The following VDAC1 variants were observed in gnomAD, a reference collection of about 807,000 sequenced individuals.
VDAC1 encodes the protein voltage dependent anion channel 1.
VDAC1 carries 10 observed loss-of-function variants against 34.7 expected under a neutral mutation model. The observed-to-expected ratio is 0.29, with a 90% CI of 0.18 to 0.49. The LOEUF (loss-of-function observed/expected upper bound fraction) is 0.49. VDAC1 is among the 20% of genes least tolerant of loss of function. The pLI is 0.99. For synonymous variants in VDAC1, 130 were observed against 136.0 expected (o/e 0.96, Z 0.30); for missense variants, 230 against 347.9 (o/e 0.66, Z 2.69).
the VDAC1 span, among the ~76,000 whole-genome samples, chr5:134,048,124 T>A: frequency 2.7e-5 from 4 of 150,874 alleles, no homozygotes; most frequent in South Asian, 4.2e-4. Context: ...CCCACCACCA[T>A]GCCCTGCTAA....
the VDAC1 span, among the ~76,000 whole-genome samples, chr5:134,063,516 G>A: frequency 1.3e-5 from 2 of 152,190 alleles, no homozygotes; most frequent in South Asian, 4.1e-4. Flanking sequence ...GATACAAGCA[G>A]AGGCTTGAAA....
At chr5:134,111,087 G>T in the VDAC1 span, among the ~76,000 whole-genome samples, 2 of 152,194 alleles carry the variant, frequency 1.3e-5, no homozygotes, top group Non-Finnish European at 2.9e-5. Context: ...ACAGAGCAGG[G>T]CAGGCCTGCG....
chr5:134,027,331 C>T, the VDAC1 span, among the ~76,000 whole-genome samples: 1 of 152,202 alleles, frequency 6.6e-6, no homozygotes, highest in African/African-American at 2.4e-5. Context: ...CCTTCACCTG[C>T]AGGTCTCCCT....
At chr5:134,052,969 G>A in the VDAC1 span, among the ~76,000 whole-genome samples, 1 of 152,142 alleles carries the variant, frequency 6.6e-6, no homozygotes, top group African/African-American at 2.4e-5. Flanking sequence ...TACAAAATCA[G>A]CTGGGCGTGG....
the VDAC1 span, among the ~76,000 whole-genome samples, chr5:134,011,803 C>T: frequency 7.2e-5 from 11 of 152,152 alleles, 1 homozygote; most frequent in Middle Eastern, 3.4e-3. Flanking sequence ...CCAGGCCCGG[C>T]TAATTTCTGT....
chr5:134,015,833 C>T, the VDAC1 span, among the ~76,000 whole-genome samples: 14 of 152,052 alleles, frequency 9.2e-5, no homozygotes, highest in South Asian at 1.9e-3. Context: ...TTAGTAGAGA[C>T]GGGGTTTCAC....
At chr5:134,002,672 AG>A (rs1257003240) in intron 1 of VDAC1, among the ~76,000 whole-genome samples, 3 of 152,210 alleles carry the variant, frequency 2.0e-5, no homozygotes, top group African/African-American at 7.2e-5. Context: ...GTCCCTCAAA[AG>A]GATGTCCAGG....
chr5:134,036,689 C>T, the VDAC1 span, among the ~76,000 whole-genome samples: 1 of 149,908 alleles, frequency 6.7e-6, no homozygotes, highest in Non-Finnish European at 1.5e-5. Context: ...TGTGGTGGCT[C>T]ACGCCTGTAG....
intron 1 of VDAC1, among the ~76,000 whole-genome samples, chr5:133,999,752 T>C (rs1447938213): frequency 6.6e-6 from 1 of 152,122 alleles, no homozygotes; most frequent in Non-Finnish European, 1.5e-5. Flanking sequence ...GATGTCTTCA[T>C]TAAACTCTCC....
chr5:134,061,231 A>C, the VDAC1 span, among the ~76,000 whole-genome samples: 1 of 145,648 alleles, frequency 6.9e-6, no homozygotes, highest in African/African-American at 2.5e-5. Flanking sequence ...CCCATCCTCC[A>C]TCCTGTTCTT....
chr5:134,032,417 A>G, the VDAC1 span, among the ~76,000 whole-genome samples: 1 of 152,214 alleles, frequency 6.6e-6, no homozygotes, highest in African/African-American at 2.4e-5. Flanking sequence ...ACAAATCCAC[A>G]TCTGCACTTA....
chr5:134,066,190 G>A, the VDAC1 span, among the ~76,000 whole-genome samples: 2 of 152,088 alleles, frequency 1.3e-5, no homozygotes, highest in African/African-American at 4.8e-5. Context: ...TTTTAGTAGA[G>A]ATGGGGTTTC....
the VDAC1 span, among the ~76,000 whole-genome samples, chr5:134,036,158 A>C: frequency 6.6e-6 from 1 of 152,172 alleles, no homozygotes; most frequent in Non-Finnish European, 1.5e-5. Flanking sequence ...CAAGATATTT[A>C]ATTGATTACA....
chr5:134,042,843 C>T, the VDAC1 span, among the ~76,000 whole-genome samples: 2 of 152,190 alleles, frequency 1.3e-5, no homozygotes, highest in African/African-American at 4.8e-5. Flanking sequence ...TGTTGAACTT[C>T]TGCTTCTTAA....
chr5:134,039,360 C>G, the VDAC1 span, among the ~76,000 whole-genome samples: 14 of 152,158 alleles, frequency 9.2e-5, no homozygotes, highest in East Asian at 3.9e-4. Context: ...ACGGAGTCTC[C>G]CTCTGTCGCC....
chr5:133,979,434 T>TTTC, intron 6 of VDAC1, among the ~76,000 whole-genome samples: 1 of 134,744 alleles, frequency 7.4e-6, no homozygotes, highest in South Asian at 2.6e-4. Context: ...CTTTTTTTTT[T>TTTC]TTTTTTTTTT....
chr5:134,076,806 A>G, the VDAC1 span, among the ~76,000 whole-genome samples: 23 of 152,150 alleles, frequency 1.5e-4, no homozygotes, highest in Non-Finnish European at 5.9e-5. Context: ...AGAGACAACC[A>G]TCTGGCTCTC....
the VDAC1 span, among the ~76,000 whole-genome samples, chr5:134,071,484 C>T: frequency 6.6e-6 from 1 of 152,232 alleles, no homozygotes; most frequent in East Asian, 1.9e-4. The surrounding 1 kb of genome is among the most constrained non-coding windows in gnomAD (Gnocchi z 4.1). Context: ...GTCATTCCCA[C>T]CTAGAGACCC....
chr5:134,010,969 CTTT>C, the VDAC1 span, among the ~76,000 whole-genome samples: 1 of 144,220 alleles, frequency 6.9e-6, no homozygotes, highest in Non-Finnish European at 1.5e-5. Flanking sequence ...CCCCCATTCC[CTTT>C]TTTTTTTTTT....
Sources: allele counts gnomAD v4.1 joint callset (sites outside exome capture counted in the v4.1 genomes callset), GRCh38; gene constraint gnomAD v4.1.1; non-coding constraint Gnocchi (gnomAD v3.1); transcripts MANE v1.5; gene names NCBI Gene and HGNC (gene_info 2026-07-23, HGNC 2026-07-21).